The following EFNA1 variants were observed in gnomAD, a reference collection of about 807,000 sequenced individuals.
EFNA1 encodes the protein ephrin A1, also known as ephrin-A1.
Under a neutral mutation model 23.2 loss-of-function variants are expected in EFNA1, and 8 were observed. The ratio of observed to expected loss-of-function variants is 0.34; its 90% CI spans 0.20 to 0.62. EFNA1 has a LOEUF of 0.62. EFNA1 is among the 20% of genes least tolerant of loss of function. EFNA1 has a pLI of 0.75. For missense variants in EFNA1, 217 were observed against 260.0 expected, an observed-to-expected ratio of 0.83 and a Z score of 1.14; for synonymous variants, 89 against 98.6, an observed-to-expected ratio of 0.90 and a Z score of 0.58.
Position 155,131,628 on chromosome 1 carries a change from T to G in EFNA1, c.382T>G (p.Tyr128Asp), listed in dbSNP as rs1664241690. Residue 128 changes from tyrosine to aspartate, a missense_variant, in exon 2 of 5, where the codon TAC (tyrosine) becomes GAC (aspartate). Coordinates refer to ENST00000368407, the MANE Select transcript of EFNA1 (RefSeq NM_004428.3). ...KEFKEGHSYY[Y>D]ISKPIHQHED... The stretch of plus-strand genomic sequence containing the variant: ...GTTCAAAGAAGGACACAGCTACTAC[T>G]ACATCTGTGAGTGCCTGTGAGGGGA... 6.2e-7 allele frequency: 1 copy of G among 1,609,230 alleles called. No individual in the cohort carries two copies. The highest frequency in any genetic ancestry group is 1.1e-5 in the South Asian group (1 of 91,032).
chr1:155,131,323 C>T lies in EFNA1; in HGVS notation c.93-16C>T. 2.5e-6 allele frequency: 4 copies of T among 1,577,614 alleles called. No individual in the cohort carries two copies. Among genetic ancestry groups the T allele is most frequent in the Non-Finnish European group, 3.5e-6 (4 of 1,150,288 alleles). ...CTGAATGACCACCTGCTTCTTCCCC[C>T]TGTGTGTGTCCCCAGGTTCCGGAAT... On this transcript the variant is annotated splice_polypyrimidine_tract_variant and intron_variant, in intron 1 of 4. Coordinates refer to ENST00000368407, the MANE Select transcript of EFNA1 (RefSeq NM_004428.3).
chr1:155,130,853 G>A (rs935551159), intron 1 of EFNA1: 64 of 985,378 alleles, frequency 6.5e-5, no homozygotes, highest in Non-Finnish European at 7.5e-5. Flanking sequence ...AGACACAGAT[G>A]TGTTGGAGGC....
At chr1:155,133,352 A>G (rs1419510303) in intron 2 of EFNA1, 151 bp from the exon 3 acceptor site, 2 of 843,480 alleles carry the variant, frequency 2.4e-6, no homozygotes, top group Non-Finnish European at 3.7e-6. Flanking sequence ...GCAGGAAGTT[A>G]GCAAAAACTA....
Position 155,134,276 on chromosome 1 carries a change from C to T in EFNA1, c.*209C>T. On this transcript the variant is annotated 3_prime_UTR_variant, in exon 5 of 5. Coordinates refer to ENST00000368407, the MANE Select transcript of EFNA1 (RefSeq NM_004428.3). ...ACCAGCCCGACAGTGCCATCCCCAC[C>T]TTCACCTCGGAGGGATGGAGAAAGA... 3.4e-6 allele frequency: 2 copies of T among 591,560 alleles called. No homozygotes were observed. The highest frequency in any genetic ancestry group is 6.0e-6 in the Non-Finnish European group (2 of 330,686). The allele number at this position is 591,560 out of a possible 1,614,324, so 36.6% of individuals were successfully genotyped here. A position where few individuals can be genotyped will look rare whatever the true frequency, so the allele number is the denominator to read the frequency against.
chr1:155,129,396 T>C (rs920395237), intron 1 of EFNA1, among the ~76,000 whole-genome samples: 4 of 151,758 alleles, frequency 2.6e-5, no homozygotes, highest in African/African-American at 7.3e-5. Context: ...CTTACCCACC[T>C]CCCCGCCTTC....
Position 155,131,626 on chromosome 1 carries a change from A to G in EFNA1, c.380A>G (p.Tyr127Cys). ...GAGTTCAAAGAAGGACACAGCTACT[A>G]CTACATCTGTGAGTGCCTGTGAGGG... ...GKEFKEGHSY[Y>C]YISKPIHQHE... Residue 127 changes from tyrosine to cysteine, a missense_variant, in exon 2 of 5, where the codon TAC becomes TGC. Physicochemically the swap from Tyr to Cys is radical, Grantham distance 194 (BLOSUM62 -2). Transcript: ENST00000368407. The G allele has an allele frequency of 6.2e-7, 1 of 1,609,832 alleles. No homozygotes were observed. Among genetic ancestry groups the G allele is most frequent in the Non-Finnish European group, 8.5e-7 (1 of 1,176,442 alleles).
In EFNA1 at chr1:155,131,411, A is replaced by C; in HGVS notation, c.165A>C (p.Glu55Asp). Residue 55 changes from glutamate (E) to aspartate (D), a missense_variant, in exon 2 of 5, where the codon GAA becomes GAC. Coordinates refer to ENST00000368407, the MANE Select transcript of EFNA1 (RefSeq NM_004428.3). ...DYVDIICPHY[E>D]DHSVADAAME... is the part of the protein sequence containing the mutation. ...TGGACATCATCTGTCCGCACTATGA[A>C]GATCACTCTGTGGCAGACGCTGCCA... is the stretch of plus-strand genomic sequence containing the variant. 6.2e-7 allele frequency: 1 copy of C among 1,614,194 alleles called. No individual in the cohort carries two copies. The highest frequency in any genetic ancestry group is 8.5e-7 in the Non-Finnish European group (1 of 1,180,042).
rs763269161 is a variant in EFNA1, at chr1:155,133,971, G to A, written c.522G>A (p.Arg174=). ...ACCTTGCAGATGACCCAGAGGTGCG[G>A]GTTCTACATAGCATCGGTCACAGTG... ...KRLAADDPEV[R]VLHSIGHSAA... The change falls in exon 5 of 5, where the codon CGG becomes CGA. Residue 174 remains arginine (R), a synonymous_variant. Coordinates refer to ENST00000368407, the MANE Select transcript of EFNA1 (RefSeq NM_004428.3). The A allele has an allele frequency of 6.2e-7, 1 of 1,614,048 alleles. No individual in the cohort carries two copies. The highest frequency in any genetic ancestry group is 1.7e-5 in the Admixed American group (1 of 60,014).
rs1571686981 is a variant in EFNA1 at position 155,133,508 on chromosome 1, C to T, written c.394C>T (p.Pro132Ser). ...CCTGTGGGCTTATCTTGCAGCCAAA[C>T]CCATCCACCAGCATGAAGACCGCTG... ...EGHSYYYISK[P>S]IHQHEDRCLR... The change falls in exon 3 of 5, where the codon CCC becomes TCC. Residue 132 changes from proline (P) to serine (S), a missense_variant. Coordinates refer to ENST00000368407, the MANE Select transcript of EFNA1 (RefSeq NM_004428.3). 1 of 1,614,100 alleles carries T rather than the reference C, an allele frequency of 6.2e-7. No homozygotes were observed. Among genetic ancestry groups the T allele is most frequent in the Non-Finnish European group, 8.5e-7 (1 of 1,180,032 alleles).
chr1:155,131,468 TGAG>T lies in EFNA1; in HGVS notation c.226_228del (p.Glu76del), dbSNP rs757162612. 1 of 1,613,922 alleles carries T rather than the reference TGAG, an allele frequency of 6.2e-7. No homozygotes were observed. Among genetic ancestry groups the T allele is most frequent in the East Asian group, 2.2e-5 (1 of 44,882 alleles). On this transcript the variant is annotated inframe_deletion, in exon 2 of 5. Transcript: ENST00000368407. ...AGTACATACTGTACCTGGTGGAGCA[TGAG>T]GAGTACCAGCTGTGCCAGCCCCAGT...
intron 1 of EFNA1, chr1:155,130,747 G>C: frequency 2.0e-6 from 2 of 985,320 alleles, no homozygotes; most frequent in Non-Finnish European, 2.4e-6. Context: ...CTGTGGGCCC[G>C]GGTATACTAG....
At chr1:155,130,105 C>T (rs546925163) in intron 1 of EFNA1, among the ~76,000 whole-genome samples, 3 of 152,244 alleles carry the variant, frequency 2.0e-5, no homozygotes, top group East Asian at 1.9e-4. Flanking sequence ...CCAGTTTGGG[C>T]GCTGGCACGC....
At chr1:155,131,054 G>A (rs1664230839) in intron 1 of EFNA1, 1 of 1,214,610 alleles carries the variant, frequency 8.2e-7, no homozygotes. Flanking sequence ...CTAAATATCA[G>A]GTAAGTATCA....
In EFNA1 at chr1:155,132,973, C is replaced by T. The variant is rs377668455; in HGVS notation, c.389-530C>T. On this transcript the variant is annotated intron_variant, in intron 2 of 4. Coordinates refer to ENST00000368407, the MANE Select transcript of EFNA1 (RefSeq NM_004428.3). ...TCGCCCAGACTGGAGTGCAGTGGCA[C>T]GATCTCGACTTGCTGCAACCTCCAC... 6.6e-5 allele frequency among the ~76,000 whole-genome samples: 10 copies of T among 151,980 alleles called. No homozygotes were observed. The East Asian group carries it at 1.4e-3, about 21-fold the overall frequency.
rs2102473602 is a variant in EFNA1, at chr1:155,133,990, C to G, written c.541C>G (p.His181Asp). The G allele has an allele frequency of 6.2e-7, 1 of 1,614,162 alleles. No homozygotes were observed. The change falls in exon 5 of 5, where the codon CAC becomes GAC. Residue 181 changes from histidine to aspartate, a missense_variant. Transcript: ENST00000368407. ...GGTGCGGGTTCTACATAGCATCGGT[C>G]ACAGTGCTGCCCCACGCCTCTTCCC... ...PEVRVLHSIG[H>D]SAAPRLFPLA...
intron 2 of EFNA1, among the ~76,000 whole-genome samples, chr1:155,133,028 A>G (rs1433154688): frequency 6.6e-6 from 1 of 151,768 alleles, no homozygotes; most frequent in African/African-American, 2.4e-5. Context: ...CTTCTGCCTC[A>G]GCCTCCCGAG....
chr1:155,131,688 T>C, intron 2 of EFNA1, 54 bp downstream of exon 2: 1 of 1,570,560 alleles, frequency 6.4e-7, no homozygotes, highest in African/African-American at 1.3e-5. Flanking sequence ...ATTACATACA[T>C]GCTTGGGTAC....
intron 2 of EFNA1, among the ~76,000 whole-genome samples, chr1:155,132,665 TA>T (rs1425212465): frequency 6.6e-6 from 1 of 151,210 alleles, no homozygotes; most frequent in Non-Finnish European, 1.5e-5. Context: ...CCAACTCTAC[TA>T]AAAAAATACA....
intron 2 of EFNA1, among the ~76,000 whole-genome samples, chr1:155,132,000 T>A (rs1431759616): frequency 6.6e-6 from 1 of 151,858 alleles, no homozygotes; most frequent in Non-Finnish European, 1.5e-5. Flanking sequence ...GTGGGGAAGA[T>A]GGTCCCAGAG....
Sources: allele counts gnomAD v4.1 joint callset (sites outside exome capture counted in the v4.1 genomes callset), GRCh38; gene constraint gnomAD v4.1.1; transcripts MANE v1.5; gene names NCBI Gene and HGNC (gene_info 2026-07-23, HGNC 2026-07-21).